Variants in RORA observed in about 807,000 individuals in gnomAD.
The protein encoded by RORA is RAR related orphan receptor A.
A neutral mutation model predicts 69.5 loss-of-function variants in RORA; 7 were observed. The ratio of observed to expected loss-of-function variants is 0.10; its 90% CI spans 0.06 to 0.19. The LOEUF is 0.19. Among genes scored for constraint, RORA ranks in the 10% least tolerant of loss-of-function variants. The probability of loss-of-function intolerance (pLI) is 1.00; values close to 1 mark genes in which losing one functional copy is unlikely to be tolerated. For synonymous variants in RORA, 261 were observed against 240.8 expected, an observed-to-expected ratio of 1.08 and a Z score of -0.78; for missense variants, 457 against 663.0, an observed-to-expected ratio of 0.69 and a Z score of 3.41.
chr15:60,938,688 G>T (rs1892601069), intron 1 of RORA, among the ~76,000 whole-genome samples: 1 of 152,096 alleles, frequency 6.6e-6, no homozygotes, highest in African/African-American at 2.4e-5. Flanking sequence ...TTTGCTTGAG[G>T]CCAGGAGTCT....
At chr15:60,810,672 TC>T (rs1205758739) in intron 1 of RORA, among the ~76,000 whole-genome samples, 1 of 152,088 alleles carries the variant, frequency 6.6e-6, no homozygotes, top group African/African-American at 2.4e-5. Flanking sequence ...TCTCTACTTA[TC>T]TTTCTGTGTT....
chr15:60,547,538 C>A (rs1372967217), intron 2 of RORA, among the ~76,000 whole-genome samples: 1 of 151,506 alleles, frequency 6.6e-6, no homozygotes, highest in African/African-American at 2.4e-5. Flanking sequence ...GTTGGCCAGG[C>A]TGGTCTTGAT....
intron 1 of RORA, among the ~76,000 whole-genome samples, chr15:60,930,915 C>T (rs1018046792): frequency 5.9e-5 from 9 of 152,320 alleles, no homozygotes; most frequent in Middle Eastern, 6.8e-3. Context: ...TATATGAGGC[C>T]TCTTACGTCT....
At chr15:60,506,784 C>T (rs543415057) in intron 5 of RORA, among the ~76,000 whole-genome samples, 13 of 151,876 alleles carry the variant, frequency 8.6e-5, no homozygotes, top group Admixed American at 2.6e-4. Context: ...GTCAAGAGTT[C>T]GAGACCAGCC....
intron 2 of RORA, among the ~76,000 whole-genome samples, chr15:60,635,649 A>G (rs1383772707): frequency 1.3e-5 from 2 of 152,212 alleles, no homozygotes; most frequent in Non-Finnish European, 2.9e-5. Flanking sequence ...GCGTTTCCAA[A>G]GTCGTCTTGG....
At chr15:61,085,969 C>T (rs755954540) in intron 1 of RORA, among the ~76,000 whole-genome samples, 1 of 152,182 alleles carries the variant, frequency 6.6e-6, no homozygotes, top group Non-Finnish European at 1.5e-5. Context: ...GCCTAGGTTG[C>T]TATGCTGGGT....
chr15:60,990,084 G>A (rs1445446103), intron 1 of RORA, among the ~76,000 whole-genome samples: 12 of 152,204 alleles, frequency 7.9e-5, no homozygotes, highest in Admixed American at 3.3e-4. Flanking sequence ...TTTGGTTCAT[G>A]CTGAGATCTG....
At chr15:60,876,311 TGGGGG>T (rs56278031) in intron 1 of RORA, among the ~76,000 whole-genome samples, 1 of 102,454 alleles carries the variant, frequency 9.8e-6, no homozygotes, top group South Asian at 3.0e-4. Context: ...TTACAGGAAG[TGGGGG>T]GGGGGGGGGG....
At chr15:61,053,788 G>A (rs1403697269) in intron 1 of RORA, among the ~76,000 whole-genome samples, 1 of 134,832 alleles carries the variant, frequency 7.4e-6, no homozygotes, top group Non-Finnish European at 1.6e-5. Context: ...GTTGGGCATA[G>A]GTTCAAACAA....
intron 1 of RORA, among the ~76,000 whole-genome samples, chr15:61,180,491 C>A (rs1358502016): frequency 1.3e-5 from 2 of 152,142 alleles, no homozygotes; most frequent in Non-Finnish European, 2.9e-5. Context: ...TGTTCTGCGG[C>A]CACAGTGTTC....
chr15:60,531,938 A>C lies in RORA; in HGVS notation c.197-87T>G, dbSNP rs2066538316. Reference sequence around the variant, plus strand: ...CCCTGATCAGCATTTGTATAGTGAAAACTAATAACCTGCTAAACATTATAC... The same window carrying C: ...CCCTGATCAGCATTTGTATAGTGAACACTAATAACCTGCTAAACATTATAC... On this transcript the variant is annotated intron_variant, in intron 2 of 10. Coordinates refer to ENST00000335670, the MANE Select transcript of RORA (RefSeq NM_134261.3). The surrounding 1 kb of genome is among the most constrained non-coding windows in gnomAD (Gnocchi z 4.8). 1 of 734,878 alleles carries C rather than the reference A, an allele frequency of 1.4e-6. No individual in the cohort carries two copies. Among genetic ancestry groups the C allele is most frequent in the East Asian group, 2.8e-5 (1 of 35,674 alleles). The allele number at this position is 734,878 out of a possible 1,614,324, so 45.5% of individuals were successfully genotyped here.
chr15:60,642,978 G>A (rs1240359511), intron 2 of RORA, among the ~76,000 whole-genome samples: 2 of 152,058 alleles, frequency 1.3e-5, no homozygotes, highest in Non-Finnish European at 2.9e-5. Flanking sequence ...GCAACATGGC[G>A]AAACCCCACC....
At chr15:60,640,178 A>G (rs1271024447) in intron 2 of RORA, among the ~76,000 whole-genome samples, 2 of 152,198 alleles carry the variant, frequency 1.3e-5, no homozygotes, top group Non-Finnish European at 2.9e-5. Flanking sequence ...AGTAAAGTAC[A>G]TGGCACTACT....
rs552668762 is a variant in RORA, at chr15:60,782,487, AT to A, written c.167-103802del. 2.4e-4 allele frequency among the ~76,000 whole-genome samples: 36 copies of A among 152,238 alleles called. No individual in the cohort carries two copies. In the South Asian group the frequency reaches 7.0e-3, roughly 30 times the overall value. On this transcript the variant is annotated intron_variant, in intron 1 of 10. Transcript: ENST00000335670. The stretch of plus-strand genomic sequence containing the variant: ...AATATGTTCTCCTTTCACGATCTTT[AT>A]TTTGGTAAGTCCGTTTCTCTTGGCC...
intron 1 of RORA, among the ~76,000 whole-genome samples, chr15:60,930,922 G>A (rs1337318796): frequency 1.3e-5 from 2 of 152,180 alleles, no homozygotes; most frequent in South Asian, 2.1e-4. Context: ...GGCCTCTTAC[G>A]TCTTGCTTAA....
At chr15:60,744,203 T>C (rs79101936) in intron 1 of RORA, among the ~76,000 whole-genome samples, 4,093 of 152,256 alleles carry the variant, frequency 0.027, 120 homozygotes, top group African/African-American at 0.07. Context: ...AAGCTGTGGA[T>C]GGAACTCTTC....
intron 1 of RORA, among the ~76,000 whole-genome samples, chr15:61,135,141 C>G (rs1048116720): frequency 8.0e-6 from 1 of 125,352 alleles, no homozygotes; most frequent in African/African-American, 3.2e-5. Flanking sequence ...AACCCCATCT[C>G]TTACTAAAAA....
chr15:61,105,722 C>T (rs533898778), intron 1 of RORA, among the ~76,000 whole-genome samples: 1 of 152,296 alleles, frequency 6.6e-6, no homozygotes, highest in East Asian at 1.9e-4. Flanking sequence ...TCAAATTCAT[C>T]TATCATGACA....
intron 1 of RORA, among the ~76,000 whole-genome samples, chr15:61,163,103 C>T (rs1476533535): frequency 6.6e-6 from 1 of 152,194 alleles, no homozygotes; most frequent in Non-Finnish European, 1.5e-5. Flanking sequence ...TTCCTTCCAT[C>T]TATTTTAGTG....
Sources: allele counts gnomAD v4.1 joint callset (sites outside exome capture counted in the v4.1 genomes callset), GRCh38; gene constraint gnomAD v4.1.1; non-coding constraint Gnocchi (gnomAD v3.1); transcripts MANE v1.5; gene names NCBI Gene and HGNC (gene_info 2026-07-23, HGNC 2026-07-21).